The following LUZP2 variants were observed in gnomAD, a reference collection of about 807,000 sequenced individuals.
LUZP2 encodes the protein leucine zipper protein 2.
A neutral mutation model predicts 51.6 loss-of-function variants in LUZP2; 52 were observed. The ratio of observed to expected loss-of-function variants is 1.01; its 90% CI spans 0.81 to 1.27. The LOEUF (loss-of-function observed/expected upper bound fraction) is 1.27. Among genes scored for constraint, LUZP2 ranks in the 50% most tolerant of loss-of-function variants. The pLI, the probability that LUZP2 is intolerant of heterozygous loss-of-function variation, is 0.00. For synonymous variants in LUZP2, 154 were observed against 137.3 expected, an observed-to-expected ratio of 1.12 and a Z score of -0.85; for missense variants, 436 against 395.4, an observed-to-expected ratio of 1.10 and a Z score of -0.87.
intron 5 of LUZP2, among the ~76,000 whole-genome samples, chr11:24,864,264 A>G (rs1851822113): frequency 6.6e-6 from 1 of 152,194 alleles, no homozygotes; most frequent in African/African-American, 2.4e-5. Context: ...ATCAAGGAGG[A>G]TTATTGACAT....
intron 1 of LUZP2, among the ~76,000 whole-genome samples, chr11:24,587,167 T>C (rs1191642657): frequency 6.6e-6 from 1 of 152,108 alleles, no homozygotes; most frequent in Non-Finnish European, 1.5e-5. Context: ...TAGATGTACG[T>C]AGGATCTCTA....
intron 1 of LUZP2, among the ~76,000 whole-genome samples, chr11:24,507,499 G>T (rs1053818556): frequency 2.6e-5 from 4 of 152,126 alleles, no homozygotes; most frequent in Middle Eastern, 3.4e-3. Flanking sequence ...TCTTTAAAGG[G>T]CTGAGAAAAT....
intron 5 of LUZP2, among the ~76,000 whole-genome samples, chr11:24,864,593 T>C (rs1049027603): frequency 6.6e-6 from 1 of 152,180 alleles, no homozygotes; most frequent in Non-Finnish European, 1.5e-5. Flanking sequence ...TGTGTCCGCA[T>C]GGTGGCAAGT....
chr11:24,533,888 G>T (rs1851089294), intron 1 of LUZP2, among the ~76,000 whole-genome samples: 1 of 151,056 alleles, frequency 6.6e-6, no homozygotes, highest in Non-Finnish European at 1.5e-5. Flanking sequence ...TAACATATCT[G>T]TGCTCCCTTC....
At chr11:24,911,793 A>G (rs1421328183) in intron 6 of LUZP2, among the ~76,000 whole-genome samples, 1 of 152,180 alleles carries the variant, frequency 6.6e-6, no homozygotes, top group Non-Finnish European at 1.5e-5. Flanking sequence ...GTGAGGACAG[A>G]CAGTGATGTA....
chr11:24,690,404 G>A (rs1411990864), intron 1 of LUZP2, among the ~76,000 whole-genome samples: 4 of 151,956 alleles, frequency 2.6e-5, no homozygotes, highest in Non-Finnish European at 5.9e-5. Flanking sequence ...TGATTTCCAG[G>A]GAAGTTAGAG....
chr11:24,646,581 A>T, intron 1 of LUZP2: 1 of 985,038 alleles, frequency 1.0e-6, no homozygotes, highest in African/African-American at 1.7e-5. Context: ...CCATATCCAT[A>T]TTCAAGGAAG....
intron 1 of LUZP2, among the ~76,000 whole-genome samples, chr11:24,506,571 A>G (rs36110724): frequency 0.052 from 7,896 of 152,114 alleles, 208 homozygotes; most frequent in Middle Eastern, 0.099. Flanking sequence ...AAGTATATCA[A>G]ATCCCTTTTG....
At chr11:24,534,936 A>G (rs1267774828) in intron 1 of LUZP2, among the ~76,000 whole-genome samples, 1 of 151,404 alleles carries the variant, frequency 6.6e-6, no homozygotes, top group East Asian at 1.9e-4. Context: ...CACCATAAAC[A>G]TAGAGGCCTG....
chr11:24,561,412 A>C (rs559357170), intron 1 of LUZP2, among the ~76,000 whole-genome samples: 1 of 152,236 alleles, frequency 6.6e-6, no homozygotes, highest in Non-Finnish European at 1.5e-5. Flanking sequence ...ATCTCATTTC[A>C]CATATAAGAA....
intron 5 of LUZP2, among the ~76,000 whole-genome samples, chr11:24,866,542 A>G (rs1175052784): frequency 6.6e-6 from 1 of 151,990 alleles, no homozygotes; most frequent in Admixed American, 6.6e-5. Context: ...TTTTTTGTAA[A>G]ATAGCAATCC....
At chr11:24,812,535 C>A (rs1017481646) in intron 5 of LUZP2, among the ~76,000 whole-genome samples, 1 of 152,146 alleles carries the variant, frequency 6.6e-6, no homozygotes, top group Non-Finnish European at 1.5e-5. Flanking sequence ...CTTAACCTCT[C>A]TTTGCCCGTT....
intron 9 of LUZP2, among the ~76,000 whole-genome samples, chr11:25,028,330 A>G (rs1419244039): frequency 6.6e-6 from 1 of 152,094 alleles, no homozygotes; most frequent in African/African-American, 2.4e-5. Context: ...ATATTTTTAT[A>G]CCCATTTCTC....
chr11:24,898,475 T>C (rs1328619070), intron 5 of LUZP2, among the ~76,000 whole-genome samples: 1 of 151,942 alleles, frequency 6.6e-6, no homozygotes, highest in East Asian at 1.9e-4. Context: ...ATACAAAAAA[T>C]TAGCTGGGCG....
intron 5 of LUZP2, among the ~76,000 whole-genome samples, chr11:24,790,336 A>G (rs982309557): frequency 1.7e-4 from 26 of 152,202 alleles, no homozygotes; most frequent in African/African-American, 6.3e-4. Flanking sequence ...AGTCAAAATG[A>G]TAGTTCCTAG....
intron 4 of LUZP2, among the ~76,000 whole-genome samples, chr11:24,757,310 ATGT>A (rs1486226845): frequency 6.6e-6 from 1 of 152,128 alleles, no homozygotes; most frequent in Non-Finnish European, 1.5e-5. Flanking sequence ...AGTAGCACAT[ATGT>A]TATTAAACTC....
chr11:25,001,214 G>C (rs61892135), intron 9 of LUZP2, among the ~76,000 whole-genome samples: 2,447 of 152,234 alleles, frequency 0.016, 35 homozygotes, highest in Non-Finnish European at 0.025. Flanking sequence ...CTGAGAATTG[G>C]TATAGATGGC....
intron 1 of LUZP2, among the ~76,000 whole-genome samples, chr11:24,661,962 T>A (rs1856035703): frequency 6.6e-6 from 1 of 152,180 alleles, no homozygotes; most frequent in African/African-American, 2.4e-5. Context: ...GAATACCTGC[T>A]TTTTAATTCT....
chr11:24,747,972 GGCTAC>G (rs1235688075), intron 4 of LUZP2, among the ~76,000 whole-genome samples: 1 of 152,128 alleles, frequency 6.6e-6, no homozygotes, highest in Non-Finnish European at 1.5e-5. Context: ...ACTTACCCCA[GGCTAC>G]CCACCTTCCA....
Sources: gnomAD v4.1 joint callset for allele counts (sites outside exome capture counted in the v4.1 genomes callset) on GRCh38, gnomAD v4.1.1 for gene constraint, MANE v1.5 for transcripts, NCBI Gene and HGNC (gene_info 2026-07-23, HGNC 2026-07-21) for gene names.